The following MYT1L variants were observed in gnomAD, a reference collection of about 807,000 sequenced individuals.
The protein encoded by MYT1L is myelin transcription factor 1-like protein.
In MYT1L, 12 loss-of-function variants were observed where a neutral mutation model predicts 126.7. That is an observed-to-expected ratio of 0.09 (90% confidence interval 0.06 to 0.15). MYT1L has a LOEUF of 0.15. Ranked by LOEUF, MYT1L falls within the 10% of genes least tolerant of loss-of-function variation. MYT1L has a pLI of 1.00. For synonymous variants in MYT1L, 541 were observed against 604.2 expected, an observed-to-expected ratio of 0.90 and a Z score of 1.53; for missense variants, 979 against 1,585.2, an observed-to-expected ratio of 0.62 and a Z score of 6.49.
At chr2:1,869,310 A>C (rs2045982409) in intron 18 of MYT1L, among the ~76,000 whole-genome samples, 1 of 152,176 alleles carries the variant, frequency 6.6e-6, no homozygotes, top group African/African-American at 2.4e-5. Context: ...TTCATCTAAG[A>C]AAGTGGTTCA....
intron 3 of MYT1L, among the ~76,000 whole-genome samples, chr2:2,133,831 G>A (rs1009275846): frequency 4.6e-5 from 7 of 152,060 alleles, no homozygotes; most frequent in African/African-American, 9.7e-5. Context: ...CACTATGCCC[G>A]GGTGCTTAGG....
At chr2:1,858,052 A>C (rs993250213) in intron 18 of MYT1L, among the ~76,000 whole-genome samples, 3 of 152,142 alleles carry the variant, frequency 2.0e-5, no homozygotes, top group African/African-American at 4.8e-5. Context: ...TTGTAGAGAC[A>C]GGGGTTTCGC....
At chr2:1,822,783 TGTG>T in intron 21 of MYT1L, among the ~76,000 whole-genome samples, 1 of 70,096 alleles carries the variant, frequency 1.4e-5, no homozygotes, top group African/African-American at 8.0e-5. Flanking sequence ...CCTCCTCTCC[TGTG>T]AAGGAGCCAC....
chr2:2,238,729 C>T (rs1046481388), intron 2 of MYT1L, among the ~76,000 whole-genome samples: 14 of 152,216 alleles, frequency 9.2e-5, no homozygotes, highest in African/African-American at 2.2e-4. Flanking sequence ...GTGATAAAAA[C>T]GCTTTGTGCA....
At chr2:2,025,918 T>A (rs554980694) in intron 4 of MYT1L, among the ~76,000 whole-genome samples, 14 of 152,236 alleles carry the variant, frequency 9.2e-5, no homozygotes, top group African/African-American at 3.4e-4. Flanking sequence ...GAACTAATCA[T>A]GTGCCTGATT....
intron 3 of MYT1L, among the ~76,000 whole-genome samples, chr2:2,098,499 T>C (rs929109980): frequency 6.6e-6 from 1 of 152,148 alleles, no homozygotes; most frequent in Admixed American, 6.5e-5. Context: ...TCTAGACCAG[T>C]AGGAGATCGT....
chr2:1,998,494 T>C (rs1363269514), intron 4 of MYT1L, among the ~76,000 whole-genome samples: 1 of 152,174 alleles, frequency 6.6e-6, no homozygotes, highest in East Asian at 1.9e-4. Context: ...TGCTGACCAT[T>C]AGGGACTGAG....
chr2:2,263,328 G>A (rs956606136), intron 2 of MYT1L, among the ~76,000 whole-genome samples: 3 of 152,050 alleles, frequency 2.0e-5, no homozygotes, highest in African/African-American at 7.2e-5. Flanking sequence ...CAGGGTTAAC[G>A]ACGCCCTCTG....
chr2:1,849,433 G>A (rs1005588106), intron 19 of MYT1L, among the ~76,000 whole-genome samples: 1 of 152,162 alleles, frequency 6.6e-6, no homozygotes, highest in Non-Finnish European at 1.5e-5. Context: ...CAAATGTGGT[G>A]GCTGTTTCTG....
chr2:1,924,501 A>C (rs1232184205), intron 9 of MYT1L, among the ~76,000 whole-genome samples: 1 of 152,230 alleles, frequency 6.6e-6, no homozygotes, highest in Non-Finnish European at 1.5e-5. Flanking sequence ...ATACCAGTAC[A>C]CTAAAAACTG....
chr2:2,319,821 T>C (rs1248544348), intron 1 of MYT1L, among the ~76,000 whole-genome samples: 3 of 152,020 alleles, frequency 2.0e-5, no homozygotes, highest in African/African-American at 7.2e-5. Flanking sequence ...TGACTTTTTG[T>C]GGGGCAGAAA....
intron 3 of MYT1L, among the ~76,000 whole-genome samples, chr2:2,065,557 T>C (rs1204512796): frequency 6.6e-6 from 1 of 152,022 alleles, no homozygotes; most frequent in Non-Finnish European, 1.5e-5. Context: ...AACCTGAAAT[T>C]ACCAGCCTCA....
chr2:1,888,246 A>ACTTCT (rs1456804444), intron 16 of MYT1L, among the ~76,000 whole-genome samples: 8 of 152,188 alleles, frequency 5.3e-5, no homozygotes, highest in Non-Finnish European at 1.2e-4. Flanking sequence ...CTGTCATTTT[A>ACTTCT]GGAGGGCTTA....
At chr2:1,998,968 G>A (rs1490135274) in intron 4 of MYT1L, among the ~76,000 whole-genome samples, 1 of 152,188 alleles carries the variant, frequency 6.6e-6, no homozygotes, top group Non-Finnish European at 1.5e-5. Context: ...GATCAGACAT[G>A]CTCTACATGT....
At chr2:2,109,875 TTATATATATATATATATA>T (rs58549168) in intron 3 of MYT1L, among the ~76,000 whole-genome samples, 1,151 of 63,898 alleles carry the variant, frequency 0.018, 39 homozygotes, top group African/African-American at 0.047. Context: ...AGTGCTGATT[TTATATATATATATATATA>T]TATATATATA....
intron 3 of MYT1L, among the ~76,000 whole-genome samples, chr2:2,122,169 C>A (rs1214648564): frequency 6.6e-6 from 1 of 152,218 alleles, no homozygotes; most frequent in East Asian, 1.9e-4. Flanking sequence ...ATCTCCCACT[C>A]ACTTTAAGAG....
rs767286764 is a variant in MYT1L at position 1,915,206 on chromosome 2, G to GA, written c.1618+1998dup. On this transcript the variant is annotated intron_variant, in intron 11 of 24. Coordinates refer to ENST00000647738, the MANE Select transcript of MYT1L (RefSeq NM_001303052.2). ...ATGATGATTAGGGGAAACTAGCCCA[G>GA]AAAAAAAAAATTAAAAGCCTTCTAT... Among the ~76,000 whole-genome samples, 300 of 150,394 alleles carry GA rather than the reference G, an allele frequency of 2.0e-3. 1 individual carries two copies. Among genetic ancestry groups the GA allele is most frequent in the Non-Finnish European group, 4.0e-4 (27 of 67,404 alleles).
At chr2:2,222,287 G>C (rs1006097800) in intron 2 of MYT1L, among the ~76,000 whole-genome samples, 8 of 152,108 alleles carry the variant, frequency 5.3e-5, no homozygotes, top group African/African-American at 1.9e-4. Flanking sequence ...CTGAGGTCAG[G>C]AGTTGGAGAC....
chr2:2,225,194 C>T (rs1371922665), intron 2 of MYT1L, among the ~76,000 whole-genome samples: 1 of 151,920 alleles, frequency 6.6e-6, no homozygotes, highest in Non-Finnish European at 1.5e-5. Flanking sequence ...GCACTCTGTT[C>T]CTGCCTTAAT....
Sources: gnomAD v4.1 joint callset for allele counts (sites outside exome capture counted in the v4.1 genomes callset) on GRCh38, gnomAD v4.1.1 for gene constraint, MANE v1.5 for transcripts, NCBI Gene and HGNC (gene_info 2026-07-23, HGNC 2026-07-21) for gene names.